BMPR2: variants seen among roughly 807,000 people sequenced by gnomAD.
BMPR2 encodes bone morphogenetic protein receptor type-2.
In BMPR2, 29 loss-of-function variants were observed where a neutral mutation model predicts 100.8. That is an observed-to-expected ratio of 0.29 (90% CI 0.21 to 0.39). BMPR2 has a LOEUF of 0.39. Among genes scored for constraint, BMPR2 ranks in the 10% least tolerant of loss-of-function variants. The pLI is 1.00. For synonymous variants in BMPR2, 382 were observed against 442.3 expected, an observed-to-expected ratio of 0.86 and a Z score of 1.71; for missense variants, 1,011 against 1,274.5, an observed-to-expected ratio of 0.79 and a Z score of 3.15.
At chr2:202,542,086 G>C (rs1688286088) in intron 9 of BMPR2, among the ~76,000 whole-genome samples, 1 of 151,354 alleles carries the variant, frequency 6.6e-6, no homozygotes, top group Non-Finnish European at 1.5e-5. Context: ...ACTCCAGCCT[G>C]GGCAACAGAG....
At chr2:202,534,421 T>G (rs1006360444) in intron 9 of BMPR2, among the ~76,000 whole-genome samples, 157 of 151,916 alleles carry the variant, frequency 1.0e-3, no homozygotes, top group Non-Finnish European at 2.0e-3. Flanking sequence ...CCGCAGTGTT[T>G]GTGTCCCTGG....
intron 1 of BMPR2, among the ~76,000 whole-genome samples, chr2:202,459,040 T>A (rs1174972279): frequency 6.6e-6 from 1 of 152,218 alleles, no homozygotes; most frequent in Non-Finnish European, 1.5e-5. Flanking sequence ...GTCTCTCTGC[T>A]GAAAATCCTT....
chr2:202,510,687 T>C (rs1452177597), intron 3 of BMPR2, among the ~76,000 whole-genome samples: 1 of 152,194 alleles, frequency 6.6e-6, no homozygotes, highest in African/African-American at 2.4e-5. Context: ...GTTTATTTGT[T>C]TGTTTGCTTT....
rs1388037924 is a variant in BMPR2 at position 202,465,027 on chromosome 2, A to G, written c.247+48A>G. On this transcript the variant is annotated intron_variant, in intron 2 of 12. Coordinates refer to ENST00000374580, the MANE Select transcript of BMPR2 (RefSeq NM_001204.7). ...GAAATGACTGTGTTTTATACAATTG[A>G]TATTTATCTAAAAAGGACATGGGAG... The G allele has an allele frequency of 1.9e-6, 3 of 1,598,134 alleles. No individual in the cohort carries two copies. In the Admixed American group the frequency reaches 5.0e-5, roughly 27 times the overall value.
At chr2:202,536,174 G>A (rs1688153960) in intron 9 of BMPR2, among the ~76,000 whole-genome samples, 1 of 152,116 alleles carries the variant, frequency 6.6e-6, no homozygotes, top group African/African-American at 2.4e-5. Context: ...GTGCAGTGGT[G>A]TGATCACAGC....
chr2:202,379,147 C>G (rs964856507), intron 1 of BMPR2, among the ~76,000 whole-genome samples: 3 of 152,002 alleles, frequency 2.0e-5, no homozygotes, highest in Non-Finnish European at 4.4e-5. Context: ...TTGCATAGCA[C>G]CAGATGACAA....
At chr2:202,453,007 AAG>A (rs1405588047) in intron 1 of BMPR2, among the ~76,000 whole-genome samples, 1 of 152,178 alleles carries the variant, frequency 6.6e-6, no homozygotes, top group African/African-American at 2.4e-5. Context: ...TGATGTGAAA[AAG>A]AGAATGGTAC....
intron 1 of BMPR2, among the ~76,000 whole-genome samples, chr2:202,410,063 C>T (rs1168896967): frequency 6.6e-6 from 1 of 152,054 alleles, no homozygotes; most frequent in Non-Finnish European, 1.5e-5. Flanking sequence ...TGGCTTACTG[C>T]ACTCTCCACC....
At chr2:202,489,241 G>T (rs903627595) in intron 3 of BMPR2, among the ~76,000 whole-genome samples, 1 of 152,026 alleles carries the variant, frequency 6.6e-6, no homozygotes, top group Non-Finnish European at 1.5e-5. Context: ...GACATCAGGC[G>T]ATCCACCCTC....
intron 9 of BMPR2, among the ~76,000 whole-genome samples, chr2:202,539,620 A>G (rs1309058974): frequency 6.6e-6 from 1 of 152,156 alleles, no homozygotes; most frequent in Non-Finnish European, 1.5e-5. Context: ...ACTTCTCTAT[A>G]AAATGTTAGT....
intron 3 of BMPR2, among the ~76,000 whole-genome samples, chr2:202,480,397 G>A (rs1249933577): frequency 6.6e-6 from 1 of 152,062 alleles, no homozygotes; most frequent in Non-Finnish European, 1.5e-5. Context: ...CCAAAGTCCT[G>A]GGAATACAGG....
intron 3 of BMPR2, among the ~76,000 whole-genome samples, chr2:202,508,070 C>CTATTATTAT (rs4032712): frequency 7.2e-6 from 1 of 139,774 alleles, no homozygotes; most frequent in Non-Finnish European, 1.5e-5. Context: ...TCATTTGAGG[C>CTATTATTAT]TATTATTATT....
chr2:202,497,331 A>G (rs902088070), intron 3 of BMPR2, among the ~76,000 whole-genome samples: 2 of 152,226 alleles, frequency 1.3e-5, no homozygotes, highest in African/African-American at 4.8e-5. Flanking sequence ...AGTGAGTACC[A>G]TCGGACCCCT....
intron 5 of BMPR2, 102 bp from the exon 6 acceptor site, chr2:202,518,720 C>G: frequency 1.0e-6 from 1 of 966,576 alleles, no homozygotes; most frequent in Non-Finnish European, 1.6e-6. Context: ...CTGTAAGCAA[C>G]AGAGAGCTGT....
At chr2:202,422,342 T>C (rs1691281399) in intron 1 of BMPR2, among the ~76,000 whole-genome samples, 1 of 151,398 alleles carries the variant, frequency 6.6e-6, no homozygotes, top group African/African-American at 2.4e-5. Flanking sequence ...AGTCTTGCTC[T>C]GTCGCCCAGG....
intron 1 of BMPR2, among the ~76,000 whole-genome samples, chr2:202,393,280 T>C (rs954617786): frequency 1.3e-5 from 2 of 151,830 alleles, no homozygotes; most frequent in African/African-American, 4.8e-5. Context: ...GTTTGGGGAG[T>C]CTGGGAGAGG....
Position 202,442,411 on chromosome 2 carries a change from G to A in BMPR2, c.77-22398G>A, listed in dbSNP as rs745862525. On this transcript the variant is annotated intron_variant, in intron 1 of 12. Transcript: ENST00000374580. ...CTTCATGGTTCATCCATGTTTTAGCGTATATCGGTACTTCCTTTCTTTTTT... is the reference window on the plus strand; with the variant it reads ...CTTCATGGTTCATCCATGTTTTAGCATATATCGGTACTTCCTTTCTTTTTT... 2.2e-4 allele frequency among the ~76,000 whole-genome samples: 33 copies of A among 150,268 alleles called. 2 individuals are homozygous for A. Among genetic ancestry groups the A allele is most frequent in the African/African-American group, 7.8e-4 (31 of 39,716 alleles).
rs552070290 is a variant in BMPR2, at chr2:202,419,528, T to C, written c.76+41978T>C. The stretch of plus-strand genomic sequence containing the variant: ...CGTGCCACCATGCTTGGCTACTTTT[T>C]GTATTTTTAGTAGAGATGGGGTTTC... On this transcript the variant is annotated intron_variant, in intron 1 of 12. Transcript: ENST00000374580. Among the ~76,000 whole-genome samples, 3 of 152,190 alleles carry C rather than the reference T, an allele frequency of 2.0e-5. No homozygotes were observed. In the East Asian group the frequency reaches 5.8e-4, roughly 29 times the overall value.
chr2:202,476,099 A>AT (rs1692545792), intron 3 of BMPR2, among the ~76,000 whole-genome samples: 1 of 151,716 alleles, frequency 6.6e-6, no homozygotes, highest in Non-Finnish European at 1.5e-5. Context: ...AAAAAAAAAA[A>AT]AAAAAAAATC....
Sources: gnomAD v4.1 joint callset for allele counts (sites outside exome capture counted in the v4.1 genomes callset) on GRCh38, gnomAD v4.1.1 for gene constraint, MANE v1.5 for transcripts, NCBI Gene and HGNC (gene_info 2026-07-23, HGNC 2026-07-21) for gene names.